The following SMPD3 variants were observed in gnomAD, a reference collection of about 807,000 sequenced individuals.
SMPD3 encodes the protein sphingomyelin phosphodiesterase 3.
Under a neutral mutation model 55.7 loss-of-function variants are expected in SMPD3, and 21 were observed. That is an observed-to-expected ratio of 0.38 (90% CI 0.27 to 0.54). The LOEUF (loss-of-function observed/expected upper bound fraction) is 0.54. Ranked by LOEUF, SMPD3 falls within the 20% of genes least tolerant of loss-of-function variation. The probability of loss-of-function intolerance (pLI) is 0.80; values close to 1 mark genes in which losing one functional copy is unlikely to be tolerated. For synonymous variants in SMPD3, 457 were observed against 404.3 expected, an observed-to-expected ratio of 1.13 and a Z score of -1.56; for missense variants, 842 against 899.6, an observed-to-expected ratio of 0.94 and a Z score of 0.82.
At chr16:68,422,619 T>C (rs2090404589) in intron 1 of SMPD3, among the ~76,000 whole-genome samples, 1 of 152,172 alleles carries the variant, frequency 6.6e-6, no homozygotes, top group Non-Finnish European at 1.5e-5. Context: ...GGTTGTTTAG[T>C]TTGATGATGC....
At chr16:68,366,921 T>A (rs2089495616) in intron 3 of SMPD3, among the ~76,000 whole-genome samples, 1 of 151,326 alleles carries the variant, frequency 6.6e-6, no homozygotes, top group African/African-American at 2.4e-5. Context: ...GGCAGGAGAA[T>A]CGCTTGAACC....
intron 2 of SMPD3, among the ~76,000 whole-genome samples, chr16:68,373,152 G>A (rs886844093): frequency 1.3e-5 from 2 of 152,204 alleles, no homozygotes; most frequent in Non-Finnish European, 2.9e-5. Context: ...AGCTCCCTGG[G>A]GCTGTGTGGG....
At chr16:68,380,266 G>T (rs891525172) in intron 2 of SMPD3, among the ~76,000 whole-genome samples, 1 of 152,256 alleles carries the variant, frequency 6.6e-6, no homozygotes, top group Non-Finnish European at 1.5e-5. Flanking sequence ...GCAGAAGCCC[G>T]CAGGGCTCCC....
Position 68,419,299 on chromosome 16 carries a change from C to T in SMPD3, c.-269+29054G>A, listed in dbSNP as rs576238182. Among the ~76,000 whole-genome samples, 9 of 152,320 alleles carry T rather than the reference C, an allele frequency of 5.9e-5. 1 individual carries two copies. The South Asian group carries it at 1.7e-3, about 28-fold the overall frequency. On this transcript the variant is annotated intron_variant, in intron 1 of 8. Transcript: ENST00000219334. ...GCCAGGGTCCCACTGCAGGGACTGG[C>T]TGAAGTTCTGGAACATGCATTGAGC... is the stretch of plus-strand genomic sequence containing the variant.
At chr16:68,441,118 A>G (rs900686512) in intron 1 of SMPD3, among the ~76,000 whole-genome samples, 5 of 152,166 alleles carry the variant, frequency 3.3e-5, no homozygotes, top group Admixed American at 3.3e-4. Flanking sequence ...ACACTTCATA[A>G]GCTTCCTCCA....
intron 1 of SMPD3, among the ~76,000 whole-genome samples, chr16:68,422,018 G>A (rs2090399142): frequency 6.6e-6 from 1 of 152,218 alleles, no homozygotes; most frequent in African/African-American, 2.4e-5. Context: ...CGCTGAAGGT[G>A]GAAGAAGAGG....
intron 7 of SMPD3, among the ~76,000 whole-genome samples, chr16:68,363,168 T>C (rs1362561275): frequency 4.5e-5 from 4 of 88,898 alleles, no homozygotes; most frequent in African/African-American, 2.7e-4. Context: ...GGGGTCGACC[T>C]GTGGCCTGGC....
intron 1 of SMPD3, among the ~76,000 whole-genome samples, chr16:68,423,301 T>C (rs532150827): frequency 1.3e-5 from 2 of 152,324 alleles, no homozygotes; most frequent in East Asian, 3.9e-4. Flanking sequence ...ATGGTTTGAA[T>C]GTGTCCCCCA....
At chr16:68,441,531 T>G (rs2090565618) in intron 1 of SMPD3, among the ~76,000 whole-genome samples, 1 of 152,110 alleles carries the variant, frequency 6.6e-6, no homozygotes. Context: ...TTAATATATC[T>G]AAAATATTAT....
At chr16:68,367,144 C>G (rs1672319638) in intron 3 of SMPD3, among the ~76,000 whole-genome samples, 1 of 152,160 alleles carries the variant, frequency 6.6e-6, no homozygotes, top group African/African-American at 2.4e-5. Context: ...CCACTCTGGC[C>G]TGGGCGACAG....
chr16:68,419,279 G>A (rs890378856), intron 1 of SMPD3, among the ~76,000 whole-genome samples: 4 of 152,196 alleles, frequency 2.6e-5, no homozygotes. Flanking sequence ...CTTGAGCCAG[G>A]GTCCCACTGC....
At chr16:68,368,624 G>C (rs1468462342) in intron 3 of SMPD3, 1 of 153,670 alleles carries the variant, frequency 6.5e-6, no homozygotes, top group Admixed American at 6.5e-5. Flanking sequence ...GAGCAGCCCG[G>C]GGCAGAGGCT....
chr16:68,442,402 C>G (rs901637961), intron 1 of SMPD3, among the ~76,000 whole-genome samples: 1 of 152,192 alleles, frequency 6.6e-6, no homozygotes, highest in African/African-American at 2.4e-5. Context: ...TTGTTCCGTT[C>G]AAGATTTCTA....
chr16:68,366,663 C>T (rs1472058552), intron 3 of SMPD3, among the ~76,000 whole-genome samples: 2 of 152,104 alleles, frequency 1.3e-5, no homozygotes, highest in South Asian at 2.1e-4. Context: ...TTCAGGAGTT[C>T]GAGACCAGCC....
chr16:68,444,988 G>A (rs1453947744), intron 1 of SMPD3, among the ~76,000 whole-genome samples: 1 of 152,248 alleles, frequency 6.6e-6, no homozygotes, highest in Non-Finnish European at 1.5e-5. Flanking sequence ...GAGCTCTTAG[G>A]ATTTTGTGAC....
intron 1 of SMPD3, among the ~76,000 whole-genome samples, chr16:68,414,399 C>T (rs1007947179): frequency 6.6e-6 from 1 of 152,240 alleles, no homozygotes; most frequent in Non-Finnish European, 1.5e-5. Context: ...TTGACCCGGG[C>T]TCAATTATGT....
intron 1 of SMPD3, among the ~76,000 whole-genome samples, chr16:68,428,502 C>A (rs547815889): frequency 6.6e-6 from 1 of 152,178 alleles, no homozygotes; most frequent in Non-Finnish European, 1.5e-5. Context: ...GACTTCTCAT[C>A]CTGGATTTTC....
At chr16:68,365,812 G>A (rs970974756) in intron 3 of SMPD3, among the ~76,000 whole-genome samples, 4 of 152,142 alleles carry the variant, frequency 2.6e-5, no homozygotes, top group African/African-American at 9.7e-5. Context: ...CGGAGCAGGT[G>A]ACCCTGGCAG....
At chr16:68,364,995 C>T in intron 4 of SMPD3, 22 bp downstream of exon 4, 2 of 1,614,086 alleles carry the variant, frequency 1.2e-6, no homozygotes, top group South Asian at 2.2e-5. Flanking sequence ...CTAGAAAAAA[C>T]ACAGGTGGGC....
Sources: allele counts gnomAD v4.1 joint callset (sites outside exome capture counted in the v4.1 genomes callset), GRCh38; gene constraint gnomAD v4.1.1; transcripts MANE v1.5; gene names NCBI Gene and HGNC (gene_info 2026-07-23, HGNC 2026-07-21).